The following ATP2B1 variants were observed in gnomAD, a reference collection of about 807,000 sequenced individuals.
The protein encoded by ATP2B1 is ATPase plasma membrane Ca2+ transporting 1.
Under a neutral mutation model 124.2 loss-of-function variants are expected in ATP2B1, and 14 were observed. That is an observed-to-expected ratio of 0.11 (90% confidence interval 0.07 to 0.18). The LOEUF (loss-of-function observed/expected upper bound fraction) is 0.18. Ranked by LOEUF, ATP2B1 falls within the 10% of genes least tolerant of loss-of-function variation. The pLI is 1.00. For missense variants in ATP2B1, 763 were observed against 1,466.1 expected, an observed-to-expected ratio of 0.52 and a Z score of 7.83; for synonymous variants, 449 against 492.4, an observed-to-expected ratio of 0.91 and a Z score of 1.17.
chr12:89,703,427 T>A (rs1892087683), intron 1 of ATP2B1, among the ~76,000 whole-genome samples: 1 of 152,224 alleles, frequency 6.6e-6, no homozygotes, highest in African/African-American at 2.4e-5. Flanking sequence ...ACTTGCTGTT[T>A]TTGAAAGAGC....
chr12:89,620,060 T>G lies in ATP2B1; in HGVS notation c.1768A>C (p.Lys590Gln). The G allele has an allele frequency of 6.2e-7, 1 of 1,614,120 alleles. No homozygotes were observed. The highest frequency in any genetic ancestry group is 8.5e-7 in the Non-Finnish European group (1 of 1,179,984). Residue 590 changes from lysine to glutamine, a missense_variant, in exon 11 of 21, where the codon AAA becomes CAA. Coordinates refer to ENST00000428670, the MANE Select transcript of ATP2B1 (RefSeq NM_001366521.1). ...SVRKSMSTVLKNSDGSYRIFS... is the reference protein window; with the variant it reads ...SVRKSMSTVLQNSDGSYRIFS... The stretch of plus-strand genomic sequence containing the variant: ...ATTCGATAACTTCCATCTGAATTTT[T>G]CAGGACAGTACTCATGGACTTCCTA...
At chr12:89,673,537 C>T (rs1363691598) in intron 1 of ATP2B1, among the ~76,000 whole-genome samples, 1 of 152,150 alleles carries the variant, frequency 6.6e-6, no homozygotes, top group Admixed American at 6.6e-5. Context: ...ATAACAGTTA[C>T]AAATCCTGTC....
intron 6 of ATP2B1, among the ~76,000 whole-genome samples, chr12:89,628,334 G>A (rs553622544): frequency 2.8e-5 from 4 of 142,228 alleles, no homozygotes; most frequent in Admixed American, 1.5e-4. Context: ...CCCGGAAGGC[G>A]GAGGTTGCAG....
chr12:89,630,566 G>C lies in ATP2B1; in HGVS notation c.867C>G (p.Thr289=), dbSNP rs200224443. Residue 289 remains threonine, a synonymous_variant, in exon 6 of 21, where the codon ACC becomes ACG. Coordinates refer to ENST00000428670, the MANE Select transcript of ATP2B1 (RefSeq NM_001366521.1). ...CCTCTTCACCTCCAGCTCCAAGTAA[G>C]GTAAAGATAATTCCAGTTTGAGAAT... ...GVNSQTGIIF[T]LLGAGGEEEE... is the part of the protein sequence containing the mutation. The C allele has an allele frequency of 6.3e-7, 1 of 1,596,632 alleles. No homozygotes were observed. The highest frequency in any genetic ancestry group is 2.3e-5 in the East Asian group (1 of 43,710).
intron 1 of ATP2B1, among the ~76,000 whole-genome samples, chr12:89,687,058 C>T (rs781522172): frequency 2.0e-5 from 3 of 152,062 alleles, no homozygotes; most frequent in Non-Finnish European, 2.9e-5. Flanking sequence ...TTTTTCTTGT[C>T]GTTATTCCCT....
intron 1 of ATP2B1, among the ~76,000 whole-genome samples, chr12:89,703,181 T>A (rs749037672): frequency 1.3e-5 from 2 of 152,188 alleles, no homozygotes; most frequent in African/African-American, 4.8e-5. Flanking sequence ...TATACTGTTA[T>A]AAATGAAGCA....
chr12:89,675,820 G>T (rs1002552110), intron 1 of ATP2B1, among the ~76,000 whole-genome samples: 1 of 152,008 alleles, frequency 6.6e-6, no homozygotes, highest in Admixed American at 6.6e-5. Context: ...TAACTTTCTG[G>T]GGAAAGATAC....
intron 1 of ATP2B1, among the ~76,000 whole-genome samples, chr12:89,676,444 G>A (rs938942578): frequency 2.0e-5 from 3 of 151,788 alleles, no homozygotes; most frequent in Admixed American, 1.3e-4. Flanking sequence ...TCCCTCTCTC[G>A]CTACACATAT....
chr12:89,700,458 A>G (rs1244440807), intron 1 of ATP2B1, among the ~76,000 whole-genome samples: 4 of 152,222 alleles, frequency 2.6e-5, no homozygotes, highest in African/African-American at 9.7e-5. Flanking sequence ...AAGAGTAGTT[A>G]TAGCACTTAC....
chr12:89,700,511 G>C (rs952499246), intron 1 of ATP2B1, among the ~76,000 whole-genome samples: 1 of 152,076 alleles, frequency 6.6e-6, no homozygotes, highest in East Asian at 1.9e-4. Context: ...CAGAAGTATA[G>C]CAAAGAAATT....
intron 1 of ATP2B1, among the ~76,000 whole-genome samples, chr12:89,669,407 C>A (rs897815534): frequency 6.6e-6 from 1 of 152,124 alleles, no homozygotes; most frequent in Admixed American, 6.5e-5. Flanking sequence ...TTTTTTTCAG[C>A]ACTCAAGAGG....
intron 1 of ATP2B1, among the ~76,000 whole-genome samples, chr12:89,671,222 G>C (rs1403482518): frequency 1.3e-5 from 2 of 152,032 alleles, no homozygotes; most frequent in African/African-American, 4.8e-5. Flanking sequence ...TCTGACATTA[G>C]GTAGACTGAA....
intron 5 of ATP2B1, 135 bp downstream of exon 5, chr12:89,634,643 G>A: frequency 2.1e-6 from 2 of 969,548 alleles, no homozygotes; most frequent in Non-Finnish European, 2.8e-6. Flanking sequence ...AGTCTGCAAG[G>A]ATTACAACAG....
intron 9 of ATP2B1, 108 bp downstream of exon 9, chr12:89,624,075 A>G (rs1377122080): frequency 1.6e-5 from 15 of 931,448 alleles, no homozygotes; most frequent in Admixed American, 2.8e-5. Context: ...GTACATTTAT[A>G]TGAAAGTCCT....
intron 6 of ATP2B1, among the ~76,000 whole-genome samples, chr12:89,629,424 A>T (rs1881485697): frequency 6.6e-6 from 1 of 152,222 alleles, no homozygotes; most frequent in Non-Finnish European, 1.5e-5. Context: ...CGTTCTACTC[A>T]GCCTTAAGAA....
At chr12:89,679,400 TTCACTTCATACCGTTGGAA>T (rs1372481794) in intron 1 of ATP2B1, among the ~76,000 whole-genome samples, 2 of 152,170 alleles carry the variant, frequency 1.3e-5, no homozygotes, top group Admixed American at 6.6e-5. Context: ...TTTTAAAAAA[TTCACTTCATACCGTTGGAA>T]TCAGTCTCCA....
At chr12:89,629,966 A>G (rs2136153336) in intron 6 of ATP2B1, among the ~76,000 whole-genome samples, 1 of 152,334 alleles carries the variant, frequency 6.6e-6, no homozygotes, top group South Asian at 2.1e-4. Flanking sequence ...TTTTCTGATA[A>G]CAGAACACTT....
At chr12:89,600,643 A>G (rs550224695) in intron 19 of ATP2B1, among the ~76,000 whole-genome samples, 487 of 150,552 alleles carry the variant, frequency 3.2e-3, no homozygotes, top group Non-Finnish European at 4.8e-3. Context: ...ACAAAATGAC[A>G]ATGTATTTTT....
At chr12:89,661,887 C>T (rs1886742511) in intron 1 of ATP2B1, among the ~76,000 whole-genome samples, 1 of 152,146 alleles carries the variant, frequency 6.6e-6, no homozygotes, top group Non-Finnish European at 1.5e-5. Flanking sequence ...ACAGTGACAG[C>T]TACCTCGTGA....
Sources: allele counts gnomAD v4.1 joint callset (sites outside exome capture counted in the v4.1 genomes callset), GRCh38; gene constraint gnomAD v4.1.1; transcripts MANE v1.5; gene names NCBI Gene and HGNC (gene_info 2026-07-23, HGNC 2026-07-21).